The following ETFDH variants were observed in gnomAD, a reference collection of about 807,000 sequenced individuals.
ETFDH encodes the protein electron transfer flavoprotein-ubiquinone oxidoreductase, mitochondrial.
Under a neutral mutation model 73.2 loss-of-function variants are expected in ETFDH, and 61 were observed. The observed-to-expected ratio is 0.83, with a 90% CI of 0.68 to 1.03. ETFDH has a LOEUF of 1.03. Among genes scored for constraint, ETFDH ranks in the 50% least tolerant of loss-of-function variants. The pLI, the probability that ETFDH is intolerant of heterozygous loss-of-function variation, is 0.00. For missense variants in ETFDH, 685 were observed against 745.0 expected, an observed-to-expected ratio of 0.92 and a Z score of 0.94; for synonymous variants, 243 against 253.3, an observed-to-expected ratio of 0.96 and a Z score of 0.39.
At chr4:158,698,873 C>T in intron 8 of ETFDH, 114 bp from the exon 9 acceptor site, 2 of 744,068 alleles carry the variant, frequency 2.7e-6, no homozygotes, top group Non-Finnish European at 4.6e-6. Flanking sequence ...GCTCCAAATA[C>T]TTTTGAGTAA....
At chr4:158,682,547 T>G in intron 3 of ETFDH, 123 bp downstream of exon 3, 1 of 798,142 alleles carries the variant, frequency 1.3e-6, no homozygotes, top group Non-Finnish European at 2.0e-6. Flanking sequence ...TTTTTTCTTT[T>G]TTTGAGATGG....
chr4:158,694,278 A>C (rs1279170519), intron 6 of ETFDH, among the ~76,000 whole-genome samples: 1 of 152,304 alleles, frequency 6.6e-6, no homozygotes, highest in East Asian at 1.9e-4. Context: ...TCAAAATAGT[A>C]ATCAGGGAAA....
In ETFDH at chr4:158,675,851, A is replaced by G. The variant is rs147533346; in HGVS notation, c.34+3361A>G. 8.9e-3 allele frequency among the ~76,000 whole-genome samples: 1,355 copies of G among 152,136 alleles called. 21 individuals are homozygous for G. Among genetic ancestry groups the G allele is most frequent in the African/African-American group, 0.031 (1,288 of 41,488 alleles). ...TATGTTTTCATTATCTTAGGGATAG[A>G]CTTAGGAATGGGTCACATGAAAACT... On this transcript the variant is annotated intron_variant, in intron 1 of 12. Coordinates refer to ENST00000511912, the MANE Select transcript of ETFDH (RefSeq NM_004453.4).
Position 158,706,835 on chromosome 4 carries a change from C to T in ETFDH, c.1675C>T (p.Arg559Ter), listed in dbSNP as rs186023896. 8.1e-6 allele frequency: 13 copies of T among 1,595,410 alleles called. No homozygotes were observed. The highest frequency in any genetic ancestry group is 4.5e-5 in the East Asian group (2 of 44,800). ...GTCGATATATGATGGGCCCGAGCAG[C>T]GATTCTGTCCTGCAGGTAATAATTT... ...NLSIYDGPEQ[R>*]FCPAGVYEFV... Residue 559 changes from arginine to a stop codon, truncating the protein, a stop_gained, in exon 12 of 13, where the codon CGA becomes TGA. Coordinates refer to ENST00000511912, the MANE Select transcript of ETFDH (RefSeq NM_004453.4). LOFTEE classifies it high-confidence loss of function.
intron 7 of ETFDH, 132 bp downstream of exon 7, chr4:158,695,775 T>A: frequency 1.4e-6 from 1 of 692,862 alleles, no homozygotes; most frequent in Non-Finnish European, 2.5e-6. Context: ...TCATTATGAC[T>A]AAAACTTATT....
In ETFDH at chr4:158,708,898, CTA is replaced by C. The variant is rs1242553003; in HGVS notation, c.*373_*374del. On this transcript the variant is annotated 3_prime_UTR_variant, in exon 13 of 13. Coordinates refer to ENST00000511912, the MANE Select transcript of ETFDH (RefSeq NM_004453.4). ...GCCATACCCATTGGTTACACATTGT[CTA>C]TGGCTAATTTTGAATTACAACTGTG... 8.6e-6 allele frequency: 2 copies of C among 233,304 alleles called. No individual in the cohort carries two copies. Among genetic ancestry groups the C allele is most frequent in the African/African-American group, 4.7e-5 (2 of 42,694 alleles). 14.5% of individuals were successfully genotyped at this position (233,304 alleles called of 1,614,324 possible).
chr4:158,702,674 T>TTG (rs1774496226), intron 9 of ETFDH, among the ~76,000 whole-genome samples: 1 of 152,236 alleles, frequency 6.6e-6, no homozygotes, highest in Non-Finnish European at 1.5e-5. Flanking sequence ...TAGTATTCCA[T>TTG]TGTGTATATA....
At chr4:158,691,978 A>G (rs955865118) in intron 6 of ETFDH, among the ~76,000 whole-genome samples, 1 of 152,214 alleles carries the variant, frequency 6.6e-6, no homozygotes, top group Non-Finnish European at 1.5e-5. Context: ...CCAGGTACCT[A>G]TTAGGTATCA....
At chr4:158,693,542 T>C (rs1022541631) in intron 6 of ETFDH, among the ~76,000 whole-genome samples, 1 of 152,172 alleles carries the variant, frequency 6.6e-6, no homozygotes, top group Non-Finnish European at 1.5e-5. Flanking sequence ...ACAGATTGAA[T>C]TGTTTTATAA....
intron 5 of ETFDH, among the ~76,000 whole-genome samples, chr4:158,688,246 G>T (rs902597995): frequency 5.9e-5 from 9 of 151,468 alleles, no homozygotes; most frequent in Non-Finnish European, 1.0e-4. Context: ...ACAAAAATTA[G>T]CTGGGTGTGG....
Position 158,682,405 on chromosome 4 carries a change from C to A in ETFDH, c.386C>A (p.Pro129Gln), listed in dbSNP as rs554116585. The A allele has an allele frequency of 2.5e-6, 4 of 1,613,982 alleles. No individual in the cohort carries two copies. The African/African-American group carries it at 5.3e-5, about 22-fold the overall frequency. ...CCAGGTGCTTTTAAAGAACTCTTCC[C>A]AGACTGGAAAGAGAAGGGGGTATGA... ...LDPGAFKELF[P>Q]DWKEKGAPLN... Residue 129 changes from proline (P) to glutamine (Q), a missense_variant, in exon 3 of 13, where the codon CCA becomes CAA. Pro to Gln is a moderately conservative substitution (Grantham distance 76). Coordinates refer to ENST00000511912, the MANE Select transcript of ETFDH (RefSeq NM_004453.4).
chr4:158,680,705 TCTA>T (rs1364914377), intron 2 of ETFDH, 98 bp downstream of exon 2: 2 of 1,058,898 alleles, frequency 1.9e-6, no homozygotes, highest in Non-Finnish European at 2.9e-6. Context: ...TTTAAAAACA[TCTA>T]ATAATATTTT....
Position 158,703,495 on chromosome 4 carries a change from A to G in ETFDH, c.1189A>G (p.Ile397Val). Residue 397 changes from isoleucine to valine, a missense_variant, in exon 10 of 13, where the codon ATC becomes GTC. Ile to Val is a conservative substitution (Grantham distance 29). Around this residue, in one of 3 missense-constraint regions of ETFDH, gnomAD observed 79 missense variants for 120.5 expected, o/e 0.66. Transcript: ENST00000511912. ...TCCTGGTTTTATGAATGTTCCCAAG[A>G]TCAAAGGTACTCACACAGCAATGAA... ...CSPGFMNVPK[I>V]KGTHTAMKSG... The G allele has an allele frequency of 1.2e-6, 2 of 1,609,630 alleles. No homozygotes were observed. The highest frequency in any genetic ancestry group is 1.7e-6 in the Non-Finnish European group (2 of 1,175,988).
intron 9 of ETFDH, chr4:158,700,937 G>A (rs1774446933): frequency 6.6e-6 from 1 of 152,172 alleles, no homozygotes; most frequent in Non-Finnish European, 1.5e-5. Flanking sequence ...AAAAGAAGAG[G>A]CAACAATTCG....
intron 1 of ETFDH, among the ~76,000 whole-genome samples, chr4:158,674,270 AT>A (rs1362367953): frequency 6.6e-6 from 1 of 152,040 alleles, no homozygotes; most frequent in African/African-American, 2.4e-5. Flanking sequence ...GTGAATAGTT[AT>A]CTAAGGCTTA....
Position 158,703,413 on chromosome 4 carries a change from G to A in ETFDH, c.1117-10G>A, listed in dbSNP as rs1774518053. ...ACTAACAAATGTATTCTGAATCTTTGTTTCCTCAGTCTATACCAAAACTCA... is the reference window on the plus strand; with the variant it reads ...ACTAACAAATGTATTCTGAATCTTTATTTCCTCAGTCTATACCAAAACTCA... On this transcript the variant is annotated splice_polypyrimidine_tract_variant and intron_variant, in intron 9 of 12. Transcript: ENST00000511912. 1 of 1,594,730 alleles carries A rather than the reference G, an allele frequency of 6.3e-7. No homozygotes were observed. Among genetic ancestry groups the A allele is most frequent in the Non-Finnish European group, 8.6e-7 (1 of 1,162,628 alleles).
At chr4:158,675,654 A>G (rs1455188403) in intron 1 of ETFDH, among the ~76,000 whole-genome samples, 4 of 152,104 alleles carry the variant, frequency 2.6e-5, no homozygotes, top group African/African-American at 9.7e-5. Flanking sequence ...CTGTAGCCCT[A>G]GCTACTCAGG....
intron 8 of ETFDH, 29 bp from the exon 9 acceptor site, chr4:158,698,958 C>G (rs1774385139): frequency 6.9e-7 from 1 of 1,439,056 alleles, no homozygotes. Context: ...ATAAAAATGT[C>G]TAATTAAATA....
intron 10 of ETFDH, 145 bp downstream of exon 10, chr4:158,703,736 C>T (rs1236322822): frequency 1.6e-6 from 1 of 633,206 alleles, no homozygotes; most frequent in Non-Finnish European, 2.8e-6. Context: ...ATGGCTTATT[C>T]TCAATAATTA....
Sources: allele counts gnomAD v4.1 joint callset (sites outside exome capture counted in the v4.1 genomes callset), GRCh38; gene constraint gnomAD v4.1.1; regional missense constraint gnomAD v4.1.1; transcripts MANE v1.5; gene names NCBI Gene and HGNC (gene_info 2026-07-23, HGNC 2026-07-21).